MYH7B: variants seen among roughly 807,000 people sequenced by gnomAD.
MYH7B encodes the protein myosin-7B.
In MYH7B, 205 loss-of-function variants were observed where a neutral mutation model predicts 234.5. That is an observed-to-expected ratio of 0.87 (90% CI 0.78 to 0.98). The LOEUF (loss-of-function observed/expected upper bound fraction) is 0.98. Ranked by LOEUF, MYH7B falls within the 50% of genes least tolerant of loss-of-function variation. The pLI is 0.00. For synonymous variants in MYH7B, 1,193 were observed against 1,105.0 expected (o/e 1.08, Z -1.58); for missense variants, 2,652 against 2,633.4 (o/e 1.01, Z -0.15).
intron 10 of MYH7B, among the ~76,000 whole-genome samples, chr20:34,983,279 CTTTCT>C (rs143748355): frequency 3.2e-4 from 40 of 125,756 alleles, no homozygotes; most frequent in East Asian, 6.8e-4. Flanking sequence ...TTTCTTTTTT[CTTTCT>C]TTTCTTTTCT....
At chr20:34,981,011 T>C (rs754837766) in intron 8 of MYH7B, 22 bp from the exon 9 acceptor site, 1 of 1,614,076 alleles carries the variant, frequency 6.2e-7, no homozygotes. Context: ...CTGACTTCTC[T>C]ATCCCCTTCC....
intron 2 of MYH7B, among the ~76,000 whole-genome samples, chr20:34,959,593 T>C (rs369885882): frequency 2.0e-5 from 3 of 151,840 alleles, no homozygotes; most frequent in African/African-American, 7.3e-5. Flanking sequence ...TTCTCCTGCC[T>C]CAGTCTCCCG....
chr20:34,997,131 G>A, exon 31 of MYH7B: 4 of 1,549,370 alleles, frequency 2.6e-6, no homozygotes, highest in Middle Eastern at 2.1e-4. Context: ...AAGACGAGCA[G>A]CTCTTGGGGG....
intron 2 of MYH7B, among the ~76,000 whole-genome samples, chr20:34,959,442 C>T (rs918923439): frequency 1.3e-5 from 2 of 152,026 alleles, no homozygotes; most frequent in Admixed American, 6.5e-5. Context: ...CTCACCTCTC[C>T]GAATCCCACT....
chr20:34,992,574 T>TC (rs1304321740), intron 24 of MYH7B, among the ~76,000 whole-genome samples: 3 of 146,950 alleles, frequency 2.0e-5, no homozygotes, highest in African/African-American at 7.5e-5. Flanking sequence ...TTTTTTTTTT[T>TC]TTTTGAGACG....
exon 24 of MYH7B, chr20:34,991,006 G>A: frequency 2.5e-6 from 4 of 1,611,824 alleles, no homozygotes; most frequent in Non-Finnish European, 3.4e-6. Context: ...ACGTCCAGGG[G>A]TCATGGATGC....
exon 13 of MYH7B, chr20:34,985,066 GGCAAGTTCATCC>G: frequency 1.2e-6 from 2 of 1,614,120 alleles, no homozygotes; most frequent in Non-Finnish European, 1.7e-6. Flanking sequence ...CTGCCCACAG[GGCAAGTTCATCC>G]GCATTCACTT....
exon 40 of MYH7B, chr20:35,000,812 G>A: frequency 6.2e-7 from 1 of 1,613,904 alleles, no homozygotes; most frequent in Non-Finnish European, 8.5e-7. Context: ...AGGCGGACTT[G>A]GCCCAGCTGA....
At chr20:34,999,763 C>CCCTG in intron 37 of MYH7B, 28 bp from the exon 38 acceptor site, 1 of 1,266,730 alleles carries the variant, frequency 7.9e-7, no homozygotes, top group Non-Finnish European at 1.1e-6. Flanking sequence ...CCCCCCCCCA[C>CCCTG]CCTACCCTGC....
chr20:34,988,836 G>A (rs868755662), intron 19 of MYH7B, among the ~76,000 whole-genome samples: 13 of 125,744 alleles, frequency 1.0e-4, no homozygotes, highest in Middle Eastern at 5.6e-3. Context: ...TTGAGATGGA[G>A]TCTCACTCTG....
intron 43 of MYH7B, 94 bp downstream of exon 43, chr20:35,001,620 C>G: frequency 8.9e-7 from 1 of 1,120,612 alleles, no homozygotes; most frequent in Non-Finnish European, 1.3e-6. Flanking sequence ...GCTCCACCCT[C>G]CAAGGTCAGT....
rs376803271 is a variant in MYH7B at position 34,984,732 on chromosome 20, T to C, written c.648+17T>C. On this transcript the variant is annotated intron_variant, in intron 11 of 44. Coordinates refer to ENST00000262873, the Ensembl canonical transcript of MYH7B. ...AAGACGGGGGTGAGTATGGGGCCAA[T>C]GTCAATGGGGCAGCCCTGGGGGTAC... 1 of 1,604,864 alleles carries C rather than the reference T, an allele frequency of 6.2e-7. No individual in the cohort carries two copies. The highest frequency in any genetic ancestry group is 1.3e-5 in the African/African-American group (1 of 74,154).
At chr20:35,001,687 T>G in intron 43 of MYH7B, 161 bp downstream of exon 43, 2 of 797,630 alleles carry the variant, frequency 2.5e-6, no homozygotes. Flanking sequence ...ACCTAGCTCC[T>G]TCTCATGGAA....
At chr20:34,979,861 G>A (rs1453062526) in intron 7 of MYH7B, 57 bp downstream of exon 7, 20 of 1,577,198 alleles carry the variant, frequency 1.3e-5, no homozygotes, top group Non-Finnish European at 1.5e-5. Context: ...GGCGGGGCTA[G>A]AGATGAGGTG....
exon 39 of MYH7B, chr20:35,000,537 G>C (rs747123716): frequency 6.3e-7 from 1 of 1,587,716 alleles, no homozygotes. Flanking sequence ...TGAGCTCCAC[G>C]AGCAGGCGCA....
At chr20:34,959,419 G>A (rs2081670548) in intron 2 of MYH7B, among the ~76,000 whole-genome samples, 1 of 151,968 alleles carries the variant, frequency 6.6e-6, no homozygotes, top group South Asian at 2.1e-4. Flanking sequence ...AATCCTGACT[G>A]TGCAGAAGTC....
At chr20:34,999,387 G>C in exon 36 of MYH7B, 1 of 1,523,402 alleles carries the variant, frequency 6.6e-7, no homozygotes, top group Non-Finnish European at 8.8e-7. Context: ...GCTCAAGCGG[G>C]AGAACAAGAA....
intron 2 of MYH7B, among the ~76,000 whole-genome samples, chr20:34,963,714 T>G (rs2081718689): frequency 6.6e-6 from 1 of 152,232 alleles, no homozygotes; most frequent in African/African-American, 2.4e-5. Context: ...TTTTGGCTCT[T>G]AAATTTAAGT....
intron 12 of MYH7B, 40 bp downstream of exon 12, chr20:34,984,986 G>T (rs1053599424): frequency 6.2e-7 from 1 of 1,608,620 alleles, no homozygotes; most frequent in Admixed American, 1.7e-5. Flanking sequence ...GGATGCCGTA[G>T]GCCACCAGCG....
Sources: allele counts gnomAD v4.1 joint callset (sites outside exome capture counted in the v4.1 genomes callset), GRCh38; gene constraint gnomAD v4.1.1; transcripts MANE v1.5; gene names NCBI Gene and HGNC (gene_info 2026-07-23, HGNC 2026-07-21).